Variants in ZBBX observed in about 807,000 individuals in gnomAD.
ZBBX encodes the protein zinc finger B-box domain containing, also known as zinc finger B-box domain-containing protein 1.
In ZBBX, 101 loss-of-function variants were observed where a neutral mutation model predicts 108.5. The observed-to-expected ratio is 0.93, with a 90% confidence interval of 0.79 to 1.10. ZBBX has a LOEUF of 1.10. ZBBX is among the 50% of genes least tolerant of loss of function. ZBBX has a pLI of 0.00. For missense variants in ZBBX, 1,009 were observed against 941.4 expected, an observed-to-expected ratio of 1.07 and a Z score of -0.94; for synonymous variants, 356 against 323.4, an observed-to-expected ratio of 1.10 and a Z score of -1.08.
intron 20 of ZBBX, among the ~76,000 whole-genome samples, chr3:167,272,922 CT>C (rs1178207319): frequency 8.5e-5 from 13 of 152,140 alleles, no homozygotes; most frequent in African/African-American, 3.1e-4. Flanking sequence ...AGGAGAGCAC[CT>C]CCCCCAGTTG....
downstream of ZBBX, among the ~76,000 whole-genome samples, chr3:167,238,060 G>C (rs897254173): frequency 1.3e-5 from 2 of 152,072 alleles, no homozygotes; most frequent in East Asian, 3.9e-4. Context: ...GGAAAAGGAA[G>C]ATGTCTTAGA....
At chr3:167,293,694 A>G (rs1731116663) in intron 18 of ZBBX, among the ~76,000 whole-genome samples, 1 of 152,224 alleles carries the variant, frequency 6.6e-6, no homozygotes, top group East Asian at 1.9e-4. Flanking sequence ...AGTTCTGGCC[A>G]GGGCAATCAG....
intron 9 of ZBBX, among the ~76,000 whole-genome samples, chr3:167,343,156 T>G (rs1740850006): frequency 6.6e-6 from 1 of 152,058 alleles, no homozygotes; most frequent in Non-Finnish European, 1.5e-5. Context: ...GAGCAGAATA[T>G]TTTTATAATT....
intron 20 of ZBBX, among the ~76,000 whole-genome samples, chr3:167,280,670 T>G (rs1728632139): frequency 2.0e-5 from 3 of 150,738 alleles, no homozygotes; most frequent in African/African-American, 7.3e-5. Context: ...TGTAAACTAG[T>G]TCAACCATTG....
intron 20 of ZBBX, among the ~76,000 whole-genome samples, chr3:167,251,855 G>GGA (rs1560025346): frequency 6.6e-6 from 1 of 151,836 alleles, no homozygotes; most frequent in Non-Finnish European, 1.5e-5. Context: ...CGCCCTGACA[G>GGA]GGGAACCTGG....
intron 10 of ZBBX, among the ~76,000 whole-genome samples, chr3:167,328,769 G>T (rs1370188170): frequency 6.6e-6 from 1 of 152,050 alleles, no homozygotes; most frequent in Non-Finnish European, 1.5e-5. Context: ...TCTTTACATA[G>T]CCATTCCCTC....
intron 1 of ZBBX, among the ~76,000 whole-genome samples, chr3:167,404,057 C>T (rs1295420781): frequency 6.6e-6 from 1 of 151,652 alleles, no homozygotes; most frequent in Non-Finnish European, 1.5e-5. Flanking sequence ...TACTGTACAC[C>T]CTCTACAGAA....
chr3:167,293,670 A>G (rs1731113838), intron 18 of ZBBX, among the ~76,000 whole-genome samples: 1 of 152,338 alleles, frequency 6.6e-6, no homozygotes, highest in Admixed American at 6.5e-5. Flanking sequence ...ACTCCTATTC[A>G]ACATAGTATT....
chr3:167,308,774 G>A (rs1259378945), intron 16 of ZBBX, among the ~76,000 whole-genome samples: 1 of 152,098 alleles, frequency 6.6e-6, no homozygotes, highest in Non-Finnish European at 1.5e-5. Context: ...CTTTAGAGGG[G>A]AACAACACAC....
At chr3:167,309,194 A>G (rs1044263869) in intron 16 of ZBBX, among the ~76,000 whole-genome samples, 1 of 152,194 alleles carries the variant, frequency 6.6e-6, no homozygotes, top group African/African-American at 2.4e-5. Flanking sequence ...ATCTGTTCCA[A>G]AAGGAACACT....
chr3:167,230,006 T>C, the ZBBX span, among the ~76,000 whole-genome samples: 1 of 151,884 alleles, frequency 6.6e-6, no homozygotes, highest in African/African-American at 2.4e-5. Flanking sequence ...TTATTGCTTA[T>C]GTTGGCAAGT....
At chr3:167,298,538 T>A in intron 17 of ZBBX, 80 bp from the exon 18 acceptor site, 40 of 1,048,792 alleles carry the variant, frequency 3.8e-5, no homozygotes, top group South Asian at 4.9e-5. Flanking sequence ...GATACCTACT[T>A]GGTATCTGAT....
At chr3:167,252,913 T>C (rs1403333676) in intron 20 of ZBBX, among the ~76,000 whole-genome samples, 1 of 152,218 alleles carries the variant, frequency 6.6e-6, no homozygotes, top group African/African-American at 2.4e-5. Flanking sequence ...CAAAGCTCTT[T>C]TTAAAATTAA....
intron 2 of ZBBX, among the ~76,000 whole-genome samples, chr3:167,378,944 A>G (rs1487013066): frequency 2.0e-5 from 3 of 152,158 alleles, no homozygotes; most frequent in East Asian, 1.9e-4. Flanking sequence ...ATCTTTGTTT[A>G]TATAGATTTT....
intron 20 of ZBBX, among the ~76,000 whole-genome samples, chr3:167,243,690 C>A (rs4267642): frequency 0.76 from 111,970 of 147,834 alleles, 42,494 homozygotes; most frequent in East Asian, 0.9. Flanking sequence ...ACCAAATAAA[C>A]CTCCTCCTGG....
the ZBBX span, among the ~76,000 whole-genome samples, chr3:167,188,881 T>C: frequency 6.6e-6 from 1 of 152,148 alleles, no homozygotes; most frequent in South Asian, 2.1e-4. Flanking sequence ...TGGGGCTTTT[T>C]GGCAAAAAGC....
At chr3:167,406,991 A>G (rs1179520929) in intron 1 of ZBBX, among the ~76,000 whole-genome samples, 1 of 152,214 alleles carries the variant, frequency 6.6e-6, no homozygotes, top group Non-Finnish European at 1.5e-5. Context: ...AACCAGGAGA[A>G]CAGTCTGTTG....
At chr3:167,306,558 T>G (rs1352784556) in intron 16 of ZBBX, among the ~76,000 whole-genome samples, 1 of 152,146 alleles carries the variant, frequency 6.6e-6, no homozygotes, top group African/African-American at 2.4e-5. Context: ...CACAGTAGAA[T>G]CATCTGAAGG....
At chr3:167,406,694 A>G (rs1748598657) in intron 1 of ZBBX, among the ~76,000 whole-genome samples, 1 of 152,218 alleles carries the variant, frequency 6.6e-6, no homozygotes, top group African/African-American at 2.4e-5. Context: ...CGTAGCTAGG[A>G]AAGTAGTTTA....
Sources: allele counts gnomAD v4.1 joint callset (sites outside exome capture counted in the v4.1 genomes callset), GRCh38; gene constraint gnomAD v4.1.1; transcripts MANE v1.5; gene names NCBI Gene and HGNC (gene_info 2026-07-23, HGNC 2026-07-21).